The following CKB variants were observed in gnomAD, a reference collection of about 807,000 sequenced individuals.
CKB encodes the protein creatine kinase B-type.
A neutral mutation model predicts 36.9 loss-of-function variants in CKB; 15 were observed. That is an observed-to-expected ratio of 0.41 (90% CI 0.27 to 0.63). The LOEUF is 0.63. Among genes scored for constraint, CKB ranks in the 20% least tolerant of loss-of-function variants. CKB has a pLI of 0.34. For synonymous variants in CKB, 250 were observed against 228.2 expected (o/e 1.10, Z -0.86); for missense variants, 413 against 534.9 (o/e 0.77, Z 2.25).
chr14:103,521,660 CTCCG>C, intron 4 of CKB, 154 bp downstream of exon 4: 1 of 1,033,076 alleles, frequency 9.7e-7, no homozygotes. Context: ...GGGGCTGGGC[CTCCG>C]TCCCTCGGTC....
Position 103,522,119 on chromosome 14 carries a change from C to T in CKB, c.252G>A (p.Val84=). Residue 84 remains valine (V), a synonymous_variant, in exon 3 of 8, where the codon GTG becomes GTA. Coordinates refer to ENST00000348956, the MANE Select transcript of CKB (RefSeq NM_001823.5). This position sits in a 1 kb window ranked among gnomAD's most constrained non-coding sequence, Gnocchi z 6.7. The stretch of plus-strand genomic sequence containing the variant: ...TGATGGGGTCGAAGAGATCCTTGAA[C>T]ACTTCGTAGGACTCCTCGTCGCCCG... ...CVAGDEESYE[V]FKDLFDPIIE... is the part of the protein sequence containing the mutation. The T allele has an allele frequency of 1.3e-6, 2 of 1,596,702 alleles. No homozygotes were observed. The highest frequency in any genetic ancestry group is 1.1e-5 in the South Asian group (1 of 88,802).
In CKB at chr14:103,521,390, G is replaced by A; in HGVS notation, c.526C>T (p.Leu176Phe). Residue 176 changes from leucine to phenylalanine, a missense_variant, in exon 5 of 8, where the codon CTC (leucine) becomes TTC (phenylalanine). Around this residue, in one of 3 missense-constraint regions of CKB, gnomAD observed 314 missense variants for 409.4 expected, o/e 0.77. Coordinates refer to ENST00000348956, the MANE Select transcript of CKB (RefSeq NM_001823.5). ...TGCTCCGCCTCCGTCATGCTCTTGA[G>A]CGCGTAGTATCGGCCCGCCAGGTCG... ...DGDLAGRYYA[L>F]KSMTEAEQQQ... The A allele has an allele frequency of 6.2e-7, 1 of 1,608,286 alleles. No homozygotes were observed. Among genetic ancestry groups the A allele is most frequent in the Non-Finnish European group, 8.5e-7 (1 of 1,179,272 alleles).
chr14:103,520,875 C>G (rs934142466), intron 5 of CKB: 4 of 511,618 alleles, frequency 7.8e-6, no homozygotes, highest in African/African-American at 5.9e-5. Flanking sequence ...GAGCCCTGCC[C>G]CTGGAGAAGC....
chr14:103,521,652 G>C, intron 4 of CKB, 166 bp downstream of exon 4: 3 of 1,000,082 alleles, frequency 3.0e-6, no homozygotes, highest in Non-Finnish European at 4.0e-6. Flanking sequence ...GTGGGCGCGG[G>C]GCTGGGCCTC....
intron 4 of CKB, 28 bp downstream of exon 4, chr14:103,521,790 G>A (rs1009562179): frequency 5.4e-5 from 74 of 1,364,246 alleles, no homozygotes; most frequent in Middle Eastern, 2.7e-4. Flanking sequence ...CGCGGCCGCC[G>A]CCGCCCCTCG....
Position 103,521,960 on chromosome 14 carries a change from G to A in CKB, c.349-10C>T, listed in dbSNP as rs1389765417. 3.2e-6 allele frequency: 5 copies of A among 1,567,872 alleles called. No homozygotes were observed. Among genetic ancestry groups the A allele is most frequent in the South Asian group, 1.2e-5 (1 of 85,974 alleles). ...CCAGGTCGTCGCCGCCCTGGGAGGCGAGACGGGAGTGAGCGCCCGAAGACC... is the reference window on the plus strand; with the variant it reads ...CCAGGTCGTCGCCGCCCTGGGAGGCAAGACGGGAGTGAGCGCCCGAAGACC... On this transcript the variant is annotated splice_polypyrimidine_tract_variant and intron_variant, in intron 3 of 7. Coordinates refer to ENST00000348956, the MANE Select transcript of CKB (RefSeq NM_001823.5).
chr14:103,520,422 C>A, intron 6 of CKB, 47 bp downstream of exon 6: 1 of 1,590,524 alleles, frequency 6.3e-7, no homozygotes. Context: ...GGGGCACCCA[C>A]ATCCCTGCTG....
At chr14:103,521,575 G>A (rs2075901491) in intron 4 of CKB, 141 bp from the exon 5 acceptor site, 2 of 971,944 alleles carry the variant, frequency 2.1e-6, no homozygotes, top group Non-Finnish European at 1.4e-6. Context: ...CAGTCCTCAC[G>A]GCCCGGGCGA....
intron 4 of CKB, 43 bp downstream of exon 4, chr14:103,521,775 G>C: frequency 7.4e-7 from 1 of 1,349,930 alleles, no homozygotes. Context: ...GCGCCGGGAG[G>C]GGGACGCGGC....
Position 103,520,443 on chromosome 14 carries a change from G to A in CKB, c.777+26C>T, listed in dbSNP as rs758511225. On this transcript the variant is annotated intron_variant, in intron 6 of 7. Coordinates refer to ENST00000348956, the MANE Select transcript of CKB (RefSeq NM_001823.5). ...CCCACATCCCTGCTGGGGCCCTGGG[G>A]TCTGGGCCTGCCCCGTCCCTGGCAC... 13 of 1,595,156 alleles carry A rather than the reference G, an allele frequency of 8.1e-6. No individual in the cohort carries two copies. In the Admixed American group the frequency reaches 1.2e-4, roughly 15 times the overall value.
chr14:103,520,299 A>G lies in CKB; in HGVS notation c.790T>C (p.Phe264Leu). The G allele has an allele frequency of 6.2e-7, 1 of 1,607,102 alleles. No individual in the cohort carries two copies. The highest frequency in any genetic ancestry group is 8.5e-7 in the Non-Finnish European group (1 of 1,175,674). Residue 264 changes from phenylalanine (F) to leucine (L), a missense_variant, in exon 7 of 8, where the codon TTC becomes CTC. Phe to Leu is a conservative substitution (Grantham distance 22). Coordinates refer to ENST00000348956, the MANE Select transcript of CKB (RefSeq NM_001823.5). ...ATGAACTCATAGTCCTTAGACTTGA[A>G]GAGAGTTTCAATCTGCAGACGGAGA... ...CTGLTQIETL[F>L]KSKDYEFMWN...
rs2075905640 is a variant in CKB at position 103,522,061 on chromosome 14, C to T, written c.310G>A (p.Asp104Asn). The T allele has an allele frequency of 2.6e-6, 4 of 1,544,694 alleles. No individual in the cohort carries two copies. Among genetic ancestry groups the T allele is most frequent in the Non-Finnish European group, 3.5e-6 (4 of 1,143,710 alleles). ...EDRHGGYKPSDEHKTDLNPDN... is the reference protein window; with the variant it reads ...EDRHGGYKPSNEHKTDLNPDN... The stretch of plus-strand genomic sequence containing the variant: ...GGGTTGAGGTCGGTCTTGTGCTCAT[C>T]GCTGGGCTTGTAGCCGCCGTGCCGG... Residue 104 changes from aspartate to asparagine, a missense_variant, in exon 3 of 8, where the codon GAT (aspartate) becomes AAT (asparagine). By Grantham distance (23) the Asp-to-Asn change is conservative (BLOSUM62 1). This residue lies in a region of CKB where 314 missense variants were observed against 409.4 expected (regional missense o/e 0.77). Coordinates refer to ENST00000348956, the MANE Select transcript of CKB (RefSeq NM_001823.5). The surrounding 1 kb of genome is among the most constrained non-coding windows in gnomAD (Gnocchi z 6.7).
At chr14:103,521,092 G>T in intron 5 of CKB, 171 bp downstream of exon 5, 1 of 852,424 alleles carries the variant, frequency 1.2e-6, no homozygotes, top group Non-Finnish European at 1.9e-6. Flanking sequence ...CAAGGTCACC[G>T]GCGCAGGAGG....
rs2075885657 is a variant in CKB, at chr14:103,519,744, G to A, written c.*120C>T. 3.5e-6 allele frequency: 4 copies of A among 1,135,200 alleles called. No individual in the cohort carries two copies. Among genetic ancestry groups the A allele is most frequent in the African/African-American group, 1.5e-5 (1 of 64,714 alleles). The allele number at this position is 1,135,200 out of a possible 1,614,324, so 70.3% of individuals were successfully genotyped here. ...AAAAATAAACTCTACCAAGGGTGAC[G>A]GAAGTCTCTACAGCAAGGCTAAGGG... On this transcript the variant is annotated 3_prime_UTR_variant, in exon 8 of 8. Coordinates refer to ENST00000348956, the MANE Select transcript of CKB (RefSeq NM_001823.5).
In CKB at chr14:103,522,181, G is replaced by C. The variant is rs2075906896; in HGVS notation, c.194-4C>G. 29 of 1,602,880 alleles carry C rather than the reference G, an allele frequency of 1.8e-5. No homozygotes were observed. Among genetic ancestry groups the C allele is most frequent in the Non-Finnish European group, 2.3e-5 (27 of 1,175,504 alleles). ...ACGGTCATGATGTACGGGTGGCCTGGGGGAGGGGGCGCGGGACGGGGACAG... is the reference window on the plus strand; with the variant it reads ...ACGGTCATGATGTACGGGTGGCCTGCGGGAGGGGGCGCGGGACGGGGACAG... On this transcript the variant is annotated splice_region_variant and splice_polypyrimidine_tract_variant and intron_variant, in intron 2 of 7. Transcript: ENST00000348956. This position sits in a 1 kb window ranked among gnomAD's most constrained non-coding sequence, Gnocchi z 6.7.
intron 6 of CKB, 70 bp downstream of exon 6, chr14:103,520,399 G>C: frequency 1.3e-6 from 2 of 1,587,662 alleles, no homozygotes; most frequent in Non-Finnish European, 1.7e-6. Context: ...AATCCCCCGG[G>C]GGGACTGATG....
rs750914370 is a variant in CKB at position 103,519,968 on chromosome 14, C to T, written c.1042G>A (p.Glu348Lys). 17 of 1,611,082 alleles carry T rather than the reference C, an allele frequency of 1.1e-5. No homozygotes were observed. In the East Asian group the frequency reaches 3.6e-4, roughly 34 times the overall value. The change falls in exon 8 of 8, where the codon GAG (glutamate) becomes AAG (lysine). Residue 348 changes from glutamate to lysine, a missense_variant. Glu to Lys is a moderately conservative substitution (Grantham distance 56, BLOSUM62 1). Transcript: ENST00000348956. ...NADRLGFSEV[E>K]LVQMVVDGVK... ...CCGTCCACCACCATCTGCACCAGCTCCACCTCTGAGAAGCCCAGGCGGTCA... is the reference window on the plus strand; with the variant it reads ...CCGTCCACCACCATCTGCACCAGCTTCACCTCTGAGAAGCCCAGGCGGTCA...
Position 103,522,297 on chromosome 14 carries a change from G to C in CKB, c.193+4C>G. The C allele has an allele frequency of 6.2e-7, 1 of 1,602,134 alleles. No homozygotes were observed. The highest frequency in any genetic ancestry group is 1.1e-5 in the South Asian group (1 of 90,546). On this transcript the variant is annotated splice_donor_region_variant and intron_variant, in intron 2 of 7. Transcript: ENST00000348956. The surrounding 1 kb of genome is among the most constrained non-coding windows in gnomAD (Gnocchi z 6.7). The stretch of plus-strand genomic sequence containing the variant: ...CGGGACCCCGGCCCCGAGGGGTCGC[G>C]TACCCGGGTTGTCCACGCCTGTCTG...
chr14:103,521,153 C>T (rs2075897370), intron 5 of CKB, 110 bp downstream of exon 5: 4 of 1,334,838 alleles, frequency 3.0e-6, no homozygotes, highest in East Asian at 2.5e-5. Flanking sequence ...CTCCCTCCTC[C>T]TCCTCCTCCT....
Sources: allele counts gnomAD v4.1 joint callset, GRCh38; gene constraint gnomAD v4.1.1; regional missense constraint gnomAD v4.1.1; non-coding constraint Gnocchi (gnomAD v3.1); transcripts MANE v1.5; gene names NCBI Gene and HGNC (gene_info 2026-07-23, HGNC 2026-07-21).